Variants in TRIQK observed in about 807,000 individuals in gnomAD.
TRIQK encodes triple QxxK/R motif-containing protein.
Under a neutral mutation model 10.8 loss-of-function variants are expected in TRIQK, and 10 were observed. The observed-to-expected ratio is 0.92, with a 90% CI of 0.57 to 1.57. TRIQK has a LOEUF of 1.57. Among genes scored for constraint, TRIQK ranks in the 40% most tolerant of loss-of-function variants. The pLI is 0.00. For synonymous variants in TRIQK, 33 were observed against 33.7 expected, an observed-to-expected ratio of 0.98 and a Z score of 0.07; for missense variants, 107 against 97.7, an observed-to-expected ratio of 1.09 and a Z score of -0.40.
intron 1 of TRIQK, among the ~76,000 whole-genome samples, chr8:93,008,098 T>C (rs1813292438): frequency 6.6e-6 from 1 of 152,072 alleles, no homozygotes; most frequent in Middle Eastern, 3.2e-3. Context: ...TGAGAACACC[T>C]GGACATAGGA....
rs1212955065 is a variant in TRIQK at position 92,884,518 on chromosome 8, A to T, written c.*2104T>A. ...AGGATATCAATAAAACTAGGCAGTG[A>T]AATTTGCCTATAATTATACTATATT... On this transcript the variant is annotated 3_prime_UTR_variant, in exon 5 of 5. Transcript: ENST00000521988. 1 of 276,428 alleles carries T rather than the reference A, an allele frequency of 3.6e-6. No homozygotes were observed. The highest frequency in any genetic ancestry group is 7.1e-6 in the Non-Finnish European group (1 of 140,992). 17.1% of individuals were successfully genotyped at this position (276,428 alleles called of 1,614,324 possible). A position where few individuals can be genotyped will look rare whatever the true frequency, so the allele number is the denominator to read the frequency against.
At chr8:92,972,906 C>G (rs1281582319) in intron 1 of TRIQK, 1 of 152,154 alleles carries the variant, frequency 6.6e-6, no homozygotes, top group African/African-American at 2.4e-5. Flanking sequence ...TATCTTTGAA[C>G]TTATTTTTTG....
chr8:92,999,810 C>G (rs1813190063), intron 1 of TRIQK, among the ~76,000 whole-genome samples: 1 of 152,004 alleles, frequency 6.6e-6, no homozygotes, highest in African/African-American at 2.4e-5. Flanking sequence ...AATTTTTTCT[C>G]CTTTTCCATT....
upstream of TRIQK, among the ~76,000 whole-genome samples, chr8:92,966,783 A>C (rs1239381488): frequency 6.6e-6 from 1 of 152,138 alleles, no homozygotes; most frequent in African/African-American, 2.4e-5. Context: ...GAAAGGCTAG[A>C]TTTATTCAAC....
At position 92,885,375 on chromosome 8, in the gene TRIQK, A is replaced by G. The variant is rs1405588627; in HGVS notation, c.*1247T>C. On this transcript the variant is annotated 3_prime_UTR_variant, in exon 5 of 5. Coordinates refer to ENST00000521988, the MANE Select transcript of TRIQK (RefSeq NM_001171797.2). ...TTAATATTTTATTTATTCTTCATAA[A>G]TACAATGTATATAATATAAAACACT... is the stretch of plus-strand genomic sequence containing the variant. 5.1e-6 allele frequency: 1 copy of G among 195,934 alleles called. No homozygotes were observed. Among genetic ancestry groups the G allele is most frequent in the Non-Finnish European group, 1.1e-5 (1 of 93,350 alleles). 12.1% of individuals were successfully genotyped at this position (195,934 alleles called of 1,614,324 possible). A position where few individuals can be genotyped will look rare whatever the true frequency, so the allele number is the denominator to read the frequency against.
intron 1 of TRIQK, among the ~76,000 whole-genome samples, chr8:92,984,604 G>A (rs750814449): frequency 5.9e-5 from 9 of 152,046 alleles, no homozygotes; most frequent in African/African-American, 1.9e-4. Context: ...GACATTATTC[G>A]ACCTTTCGAA....
intron 4 of TRIQK, among the ~76,000 whole-genome samples, chr8:92,891,631 T>C (rs1437037938): frequency 6.6e-6 from 1 of 151,860 alleles, no homozygotes; most frequent in African/African-American, 2.4e-5. Flanking sequence ...TAATTACAAC[T>C]ACAATTTAAA....
chr8:92,977,299 C>T (rs1812943271), intron 1 of TRIQK, among the ~76,000 whole-genome samples: 1 of 151,956 alleles, frequency 6.6e-6, no homozygotes, highest in Non-Finnish European at 1.5e-5. Flanking sequence ...TAATGACGTT[C>T]ACTACTTTAA....
intron 1 of TRIQK, among the ~76,000 whole-genome samples, chr8:92,971,400 T>G (rs1301831547): frequency 1.3e-5 from 2 of 152,090 alleles, no homozygotes; most frequent in Non-Finnish European, 2.9e-5. Context: ...AAAACCCCAT[T>G]GTCTCAGCCC....
intron 1 of TRIQK, among the ~76,000 whole-genome samples, chr8:92,990,139 A>G (rs952778394): frequency 6.6e-6 from 1 of 152,242 alleles, no homozygotes; most frequent in African/African-American, 2.4e-5. Flanking sequence ...TAAAGCTGGA[A>G]TCACCAAAGA....
chr8:92,947,381 G>A (rs994264007), intron 2 of TRIQK, among the ~76,000 whole-genome samples: 1 of 151,228 alleles, frequency 6.6e-6, no homozygotes, highest in Non-Finnish European at 1.5e-5. Flanking sequence ...TCGGGAGTTC[G>A]AGACCAACCT....
rs543912821 is a variant in TRIQK, at chr8:92,912,046, C to T, written c.61+4883G>A. On this transcript the variant is annotated intron_variant, in intron 3 of 4. Transcript: ENST00000521988. ...AGACAAAAAACTCAAGAAAAAAACA[C>T]AGATTTAAACAATACTACAGAACAA... 1.7e-3 allele frequency among the ~76,000 whole-genome samples: 260 copies of T among 151,138 alleles called. 1 individual carries two copies. The highest frequency in any genetic ancestry group is 5.8e-3 in the African/African-American group (239 of 41,360).
chr8:92,891,161 C>T (rs1408324662), intron 4 of TRIQK, among the ~76,000 whole-genome samples: 3 of 151,786 alleles, frequency 2.0e-5, no homozygotes, highest in African/African-American at 7.2e-5. Flanking sequence ...TATCATCTGG[C>T]AGTTCAACAG....
chr8:92,992,607 C>T (rs1194438720), intron 1 of TRIQK, among the ~76,000 whole-genome samples: 1 of 152,198 alleles, frequency 6.6e-6, no homozygotes, highest in Middle Eastern at 3.2e-3. Flanking sequence ...TGTAGGAATG[C>T]TGTTAAAGCC....
chr8:92,964,518 C>T (rs1812633964), intron 1 of TRIQK, among the ~76,000 whole-genome samples: 1 of 146,236 alleles, frequency 6.8e-6, no homozygotes, highest in Admixed American at 6.9e-5. Context: ...TCATTCAAGA[C>T]ATTACAGGTT....
chr8:92,949,927 T>C (rs1245251886), intron 2 of TRIQK, among the ~76,000 whole-genome samples: 1 of 151,994 alleles, frequency 6.6e-6, no homozygotes, highest in Non-Finnish European at 1.5e-5. Context: ...ATAAACTTGA[T>C]CTCACATTCG....
intron 2 of TRIQK, among the ~76,000 whole-genome samples, chr8:92,953,250 G>A (rs1023289493): frequency 6.6e-6 from 1 of 151,978 alleles, no homozygotes; most frequent in Non-Finnish European, 1.5e-5. Flanking sequence ...ATAGTAAGTA[G>A]TTAAAACACA....
At chr8:92,947,995 G>A in intron 2 of TRIQK, among the ~76,000 whole-genome samples, 1 of 152,062 alleles carries the variant, frequency 6.6e-6, no homozygotes, top group Non-Finnish European at 1.5e-5. Context: ...ATGCACATAG[G>A]GAGCCCTGAC....
At chr8:92,926,152 G>A (rs1283544235) in intron 2 of TRIQK, 1 of 150,640 alleles carries the variant, frequency 6.6e-6, no homozygotes, top group African/African-American at 2.4e-5. Context: ...TTCATACAGT[G>A]TAATACTACC....
Sources: gnomAD v4.1 joint callset for allele counts (sites outside exome capture counted in the v4.1 genomes callset) on GRCh38, gnomAD v4.1.1 for gene constraint, MANE v1.5 for transcripts, NCBI Gene and HGNC (gene_info 2026-07-23, HGNC 2026-07-21) for gene names.